The following ANKIB1 variants were observed in gnomAD, a reference collection of about 807,000 sequenced individuals.
ANKIB1 encodes the protein ankyrin repeat and IBR domain containing 1, also known as ankyrin repeat and IBR domain-containing protein 1.
In ANKIB1, 43 loss-of-function variants were observed where a neutral mutation model predicts 122.1. The observed-to-expected ratio is 0.35, with a 90% CI of 0.28 to 0.45. The LOEUF (loss-of-function observed/expected upper bound fraction) is 0.45. Among genes scored for constraint, ANKIB1 ranks in the 20% least tolerant of loss-of-function variants. ANKIB1 has a pLI of 1.00. For missense variants in ANKIB1, 992 were observed against 1,329.5 expected, an observed-to-expected ratio of 0.75 and a Z score of 3.95; for synonymous variants, 390 against 442.0, an observed-to-expected ratio of 0.88 and a Z score of 1.48.
At chr7:92,261,221 C>T (rs376369558) in intron 1 of ANKIB1, among the ~76,000 whole-genome samples, 18 of 151,374 alleles carry the variant, frequency 1.2e-4, no homozygotes, top group East Asian at 3.9e-4. Context: ...TGGTAGCGGG[C>T]GCCTGTAGTC....
intron 3 of ANKIB1, among the ~76,000 whole-genome samples, chr7:92,316,186 GC>G (rs1254918688): frequency 5.9e-5 from 9 of 152,114 alleles, no homozygotes; most frequent in Non-Finnish European, 1.3e-4. Context: ...CTCCTATTAA[GC>G]CCTCCTTAGC....
At chr7:92,397,315 A>G (rs966186665) in intron 18 of ANKIB1, among the ~76,000 whole-genome samples, 4 of 151,968 alleles carry the variant, frequency 2.6e-5, no homozygotes, top group East Asian at 3.9e-4. Context: ...GTGAAACCCT[A>G]TCTCTACTGA....
intron 1 of ANKIB1, among the ~76,000 whole-genome samples, chr7:92,287,922 G>C (rs966779671): frequency 1.6e-4 from 24 of 151,760 alleles, no homozygotes; most frequent in Non-Finnish European, 2.5e-4. Context: ...TGTAGTCCCA[G>C]CTACTTGGGA....
intron 3 of ANKIB1, among the ~76,000 whole-genome samples, chr7:92,317,384 G>C (rs1802816085): frequency 6.6e-6 from 1 of 152,096 alleles, no homozygotes. Context: ...CTGGTCCCCA[G>C]ACCACACTTG....
rs565062735 is a variant in ANKIB1, at chr7:92,378,361, A to G, written c.1617+6754A>G. ...AGGATTTCTGATTTTTAGATTAGGGATGCTTCCACCTATATAAGAATGGTT... is the reference window on the plus strand; with the variant it reads ...AGGATTTCTGATTTTTAGATTAGGGGTGCTTCCACCTATATAAGAATGGTT... On this transcript the variant is annotated intron_variant, in intron 11 of 19. Transcript: ENST00000265742. 8.6e-5 allele frequency among the ~76,000 whole-genome samples: 13 copies of G among 152,038 alleles called. No homozygotes were observed. In the South Asian group the frequency reaches 2.3e-3, roughly 27 times the overall value.
intron 3 of ANKIB1, among the ~76,000 whole-genome samples, chr7:92,314,741 A>G (rs1311024676): frequency 2.0e-5 from 3 of 152,372 alleles, no homozygotes; most frequent in Middle Eastern, 3.4e-3. Context: ...CTAGAACAGT[A>G]GTTCTAAGCA....
rs185471939 is a variant in ANKIB1 at position 92,391,150 on chromosome 7, T to C, written c.2053-16T>C. ...TATGAAGCCTGTGATTTTTTTTTTT[T>C]CTCTGCTTACTATAGACAGACCTAG... On this transcript the variant is annotated splice_polypyrimidine_tract_variant and intron_variant, in intron 15 of 19. Transcript: ENST00000265742. 2.6e-6 allele frequency: 4 copies of C among 1,563,548 alleles called. No homozygotes were observed. The highest frequency in any genetic ancestry group is 1.4e-5 in the African/African-American group (1 of 73,074).
chr7:92,344,690 G>T (rs1488050451), intron 6 of ANKIB1, among the ~76,000 whole-genome samples: 4 of 152,102 alleles, frequency 2.6e-5, no homozygotes, highest in Non-Finnish European at 5.9e-5. Context: ...TTTGTTTCTT[G>T]TACTTCGTTT....
chr7:92,296,134 G>A (rs545488758), intron 2 of ANKIB1, among the ~76,000 whole-genome samples: 15 of 151,958 alleles, frequency 9.9e-5, no homozygotes, highest in Non-Finnish European at 1.8e-4. Flanking sequence ...AAAACATGCC[G>A]TGAGGTTTCT....
At chr7:92,264,157 C>T (rs1464084321) in intron 1 of ANKIB1, among the ~76,000 whole-genome samples, 4 of 144,966 alleles carry the variant, frequency 2.8e-5, no homozygotes, top group East Asian at 4.0e-4. Flanking sequence ...TGTTTTTCGT[C>T]GTCGTTTTTT....
intron 11 of ANKIB1, among the ~76,000 whole-genome samples, chr7:92,385,070 A>C (rs891692783): frequency 2.9e-4 from 44 of 152,230 alleles, no homozygotes; most frequent in African/African-American, 9.9e-4. Context: ...AAGTGGGCAA[A>C]GGATATGAAC....
chr7:92,296,592 T>TA, intron 2 of ANKIB1, among the ~76,000 whole-genome samples: 1 of 152,214 alleles, frequency 6.6e-6, no homozygotes, highest in Non-Finnish European at 1.5e-5. Context: ...TAAAAAACTT[T>TA]TAAGGCTCTT....
intron 1 of ANKIB1, among the ~76,000 whole-genome samples, chr7:92,284,004 C>T (rs920299329): frequency 1.3e-5 from 2 of 152,088 alleles, no homozygotes; most frequent in African/African-American, 2.4e-5. Flanking sequence ...CTCCTGACCT[C>T]GTGATCTGCC....
At chr7:92,393,431 A>G (rs1804827344) in intron 17 of ANKIB1, among the ~76,000 whole-genome samples, 1 of 152,132 alleles carries the variant, frequency 6.6e-6, no homozygotes, top group African/African-American at 2.4e-5. Flanking sequence ...GTTATAATAC[A>G]TTTACAACTT....
At chr7:92,315,902 T>G (rs1470815967) in intron 3 of ANKIB1, among the ~76,000 whole-genome samples, 1 of 152,078 alleles carries the variant, frequency 6.6e-6, no homozygotes, top group East Asian at 1.9e-4. Flanking sequence ...ACTAGAAGGA[T>G]AGCAGGATTA....
chr7:92,287,305 C>T (rs989691718), intron 1 of ANKIB1, among the ~76,000 whole-genome samples: 1 of 152,178 alleles, frequency 6.6e-6, no homozygotes, highest in African/African-American at 2.4e-5. Context: ...TTTTCATTCT[C>T]CTTAGTCTCC....
intron 4 of ANKIB1, among the ~76,000 whole-genome samples, chr7:92,321,531 A>G (rs968863369): frequency 6.6e-6 from 1 of 152,192 alleles, no homozygotes; most frequent in Non-Finnish European, 1.5e-5. Flanking sequence ...TCAGTGTTTG[A>G]AACACTACTT....
At chr7:92,302,593 A>G (rs1290168797) in intron 2 of ANKIB1, among the ~76,000 whole-genome samples, 4 of 152,238 alleles carry the variant, frequency 2.6e-5, no homozygotes, top group South Asian at 2.1e-4. Flanking sequence ...ATTTGGATAT[A>G]TAATTCATTA....
chr7:92,382,479 G>A lies in ANKIB1; in HGVS notation c.1618-4030G>A, dbSNP rs557300829. The stretch of plus-strand genomic sequence containing the variant: ...TCGCACTTGTTCCAAAATTGACCAC[G>A]TAGTTGGAAGTAAAGCACTCCTCAG... On this transcript the variant is annotated intron_variant, in intron 11 of 19. Coordinates refer to ENST00000265742, the MANE Select transcript of ANKIB1 (RefSeq NM_019004.2). Among the ~76,000 whole-genome samples the A allele has an allele frequency of 4.6e-5, 7 of 152,196 alleles. No individual in the cohort carries two copies. In the East Asian group the frequency reaches 9.6e-4, roughly 21 times the overall value.
Sources: gnomAD v4.1 joint callset for allele counts (sites outside exome capture counted in the v4.1 genomes callset) on GRCh38, gnomAD v4.1.1 for gene constraint, MANE v1.5 for transcripts, NCBI Gene and HGNC (gene_info 2026-07-23, HGNC 2026-07-21) for gene names.